The following CDH18 variants were observed in gnomAD, a reference collection of about 807,000 sequenced individuals.
CDH18 encodes cadherin-18.
A neutral mutation model predicts 67.9 loss-of-function variants in CDH18; 31 were observed. The ratio of observed to expected loss-of-function variants is 0.46; its 90% CI spans 0.34 to 0.62. CDH18 has a LOEUF of 0.62. CDH18 is among the 20% of genes least tolerant of loss of function. The pLI, the probability that CDH18 is intolerant of heterozygous loss-of-function variation, is 0.01. For synonymous variants in CDH18, 362 were observed against 347.2 expected (o/e 1.04, Z -0.48); for missense variants, 890 against 975.5 (o/e 0.91, Z 1.17).
chr5:19,671,040 T>C (rs1435431155), intron 5 of CDH18, among the ~76,000 whole-genome samples: 2 of 152,094 alleles, frequency 1.3e-5, no homozygotes, highest in Admixed American at 6.6e-5. Flanking sequence ...TATTTGTATA[T>C]ATGTATGTAG....
chr5:20,551,066 CA>C (rs1757606930), intron 1 of CDH18, among the ~76,000 whole-genome samples: 1 of 152,082 alleles, frequency 6.6e-6, no homozygotes, highest in East Asian at 1.9e-4. Flanking sequence ...AACAGAAATT[CA>C]AACTAATAGA....
At chr5:20,476,553 C>T (rs568297762) in intron 1 of CDH18, among the ~76,000 whole-genome samples, 1 of 152,082 alleles carries the variant, frequency 6.6e-6, no homozygotes, top group Non-Finnish European at 1.5e-5. Flanking sequence ...AATCCTAATT[C>T]AATAATTATA....
chr5:20,541,568 A>C (rs1386940112), intron 1 of CDH18, among the ~76,000 whole-genome samples: 1 of 152,212 alleles, frequency 6.6e-6, no homozygotes, highest in African/African-American at 2.4e-5. Flanking sequence ...ATTAGGATGG[A>C]TATAACCCAC....
chr5:19,549,111 T>C (rs1218063019), intron 8 of CDH18, among the ~76,000 whole-genome samples: 5 of 152,182 alleles, frequency 3.3e-5, no homozygotes, highest in Admixed American at 2.0e-4. Flanking sequence ...ATGTTTTTCC[T>C]TTCTGAATCT....
chr5:19,662,474 T>C (rs1036184934), intron 5 of CDH18, among the ~76,000 whole-genome samples: 1 of 152,074 alleles, frequency 6.6e-6, no homozygotes, highest in Non-Finnish European at 1.5e-5. Context: ...TTCAATACCA[T>C]AGATATGTAG....
intron 2 of CDH18, among the ~76,000 whole-genome samples, chr5:20,073,317 G>T (rs567551351): frequency 2.6e-5 from 4 of 151,780 alleles, no homozygotes; most frequent in African/African-American, 9.7e-5. Context: ...CATTGTGGGG[G>T]TTAGTGGGTG....
intron 9 of CDH18, among the ~76,000 whole-genome samples, chr5:19,525,248 A>G (rs1483964959): frequency 6.6e-6 from 1 of 152,136 alleles, no homozygotes; most frequent in African/African-American, 2.4e-5. Context: ...TGGGACTGGA[A>G]TGTCTTTTCA....
intron 3 of CDH18, among the ~76,000 whole-genome samples, chr5:19,754,700 C>G (rs896533408): frequency 2.6e-5 from 4 of 152,114 alleles, no homozygotes; most frequent in African/African-American, 9.7e-5. Context: ...CCAACGGCTG[C>G]AATATACACA....
chr5:19,986,265 T>G (rs757509142), intron 1 of CDH18, among the ~76,000 whole-genome samples: 1 of 152,202 alleles, frequency 6.6e-6, no homozygotes, highest in Non-Finnish European at 1.5e-5. Context: ...CGGGTGCTAT[T>G]GCTCATACTT....
chr5:19,601,918 C>A (rs993374710), intron 6 of CDH18, among the ~76,000 whole-genome samples: 4 of 151,544 alleles, frequency 2.6e-5, no homozygotes, highest in African/African-American at 9.7e-5. Flanking sequence ...TTTAAAAAAA[C>A]ATAAAATAGA....
chr5:19,506,460 A>T (rs1334605077), intron 10 of CDH18, among the ~76,000 whole-genome samples: 3 of 152,214 alleles, frequency 2.0e-5, no homozygotes, highest in Non-Finnish European at 4.4e-5. Flanking sequence ...AGTCAATCCT[A>T]AGCCAAAAGA....
intron 2 of CDH18, among the ~76,000 whole-genome samples, chr5:20,043,701 A>G (rs1217456128): frequency 6.6e-6 from 1 of 152,220 alleles, no homozygotes; most frequent in Non-Finnish European, 1.5e-5. Context: ...TGAAGTCTGT[A>G]AATAGCAATA....
chr5:19,682,928 C>T (rs1227417368), intron 5 of CDH18, among the ~76,000 whole-genome samples: 1 of 152,050 alleles, frequency 6.6e-6, no homozygotes, highest in African/African-American at 2.4e-5. Context: ...ACTTTTACTA[C>T]TACGGGAGTT....
intron 2 of CDH18, among the ~76,000 whole-genome samples, chr5:20,084,899 C>A (rs758300852): frequency 6.6e-6 from 1 of 152,126 alleles, no homozygotes; most frequent in Non-Finnish European, 1.5e-5. Context: ...TCCTCCTAGG[C>A]CTCCAGGCTT....
chr5:19,488,115 A>G (rs952029572), intron 11 of CDH18, among the ~76,000 whole-genome samples: 1 of 152,164 alleles, frequency 6.6e-6, no homozygotes, highest in African/African-American at 2.4e-5. Context: ...AATAGTTTGA[A>G]AGACCTTGCA....
chr5:19,755,936 T>G (rs1771547502), intron 3 of CDH18, among the ~76,000 whole-genome samples: 1 of 152,170 alleles, frequency 6.6e-6, no homozygotes. Context: ...TAATCTCTTT[T>G]GGCAACACCC....
chr5:20,463,225 G>A (rs1394214926), intron 1 of CDH18, among the ~76,000 whole-genome samples: 1 of 151,092 alleles, frequency 6.6e-6, no homozygotes, highest in Non-Finnish European at 1.5e-5. Context: ...TTTTTTTGTG[G>A]TTTGTGTGCT....
At chr5:20,290,057 TC>T (rs1746991813) in intron 1 of CDH18, among the ~76,000 whole-genome samples, 2 of 152,096 alleles carry the variant, frequency 1.3e-5, no homozygotes, top group South Asian at 4.1e-4. Flanking sequence ...CCTGACTATT[TC>T]CCAAAGGCAG....
intron 2 of CDH18, among the ~76,000 whole-genome samples, chr5:19,963,906 G>A (rs904114554): frequency 6.6e-6 from 1 of 151,988 alleles, no homozygotes; most frequent in African/African-American, 2.4e-5. Flanking sequence ...AGCAAAGGGG[G>A]AAGAGCCCCT....
Sources: gnomAD v4.1 joint callset for allele counts (sites outside exome capture counted in the v4.1 genomes callset) on GRCh38, gnomAD v4.1.1 for gene constraint, MANE v1.5 for transcripts, NCBI Gene and HGNC (gene_info 2026-07-23, HGNC 2026-07-21) for gene names.